The following CAPN3 variants were observed in gnomAD, a reference collection of about 807,000 sequenced individuals.
CAPN3 encodes calpain-3.
A neutral mutation model predicts 114.0 loss-of-function variants in CAPN3; 88 were observed. The observed-to-expected ratio is 0.77, with a 90% confidence interval of 0.65 to 0.92. The LOEUF is 0.92. Ranked by LOEUF, CAPN3 falls within the 40% of genes least tolerant of loss-of-function variation. The pLI, the probability that CAPN3 is intolerant of heterozygous loss-of-function variation, is 0.00. For missense variants in CAPN3, 1,028 were observed against 1,069.0 expected (o/e 0.96, Z 0.53); for synonymous variants, 386 against 382.9 (o/e 1.01, Z -0.09).
intron 2 of CAPN3, among the ~76,000 whole-genome samples, chr15:42,384,898 G>A (rs1354786301): frequency 6.6e-6 from 1 of 152,158 alleles, no homozygotes; most frequent in African/African-American, 2.4e-5. Flanking sequence ...TGTGCACCAA[G>A]CATGCCCCTT....
At chr15:42,377,991 A>G (rs1016171689) in intron 1 of CAPN3, among the ~76,000 whole-genome samples, 6 of 152,154 alleles carry the variant, frequency 3.9e-5, no homozygotes, top group Non-Finnish European at 8.8e-5. Context: ...TTAATGTCCA[A>G]AAGTTCAGTA....
chr15:42,360,109 C>G lies in CAPN3; in HGVS notation c.304C>G (p.Pro102Ala). 1 of 1,614,162 alleles carries G rather than the reference C, an allele frequency of 6.2e-7. No homozygotes were observed. Residue 102 changes from proline (P) to alanine (A), a missense_variant, in exon 1 of 24, where the codon CCT (proline) becomes GCT (alanine). Coordinates refer to ENST00000397163, the MANE Select transcript of CAPN3 (RefSeq NM_000070.3). ...KFPIQFVWKRPPEICENPRFI... is the reference protein window; with the variant it reads ...KFPIQFVWKRAPEICENPRFI... ...CCCCATCCAGTTCGTCTGGAAGAGA[C>G]CTCCGGTGAGTAGCTTCCTGCTTGC...
At chr15:42,381,834 G>A (rs1046931228) in intron 1 of CAPN3, among the ~76,000 whole-genome samples, 13 of 152,202 alleles carry the variant, frequency 8.5e-5, no homozygotes, top group African/African-American at 2.4e-4. Flanking sequence ...CATTGCACCC[G>A]GCCATCATGT....
chr15:42,366,660 T>C (rs1049444342), intron 1 of CAPN3, among the ~76,000 whole-genome samples: 1 of 152,020 alleles, frequency 6.6e-6, no homozygotes, highest in Middle Eastern at 3.4e-3. Context: ...TAAGTATGAT[T>C]GTTTTCGAGG....
intron 9 of CAPN3, among the ~76,000 whole-genome samples, chr15:42,399,180 G>T (rs1278357977): frequency 6.6e-6 from 1 of 151,928 alleles, no homozygotes; most frequent in Non-Finnish European, 1.5e-5. Context: ...CCAGCCTCTG[G>T]TAACCACTGT....
chr15:42,396,552 C>T (rs542990460), intron 8 of CAPN3, among the ~76,000 whole-genome samples: 6 of 152,084 alleles, frequency 3.9e-5, no homozygotes, highest in Non-Finnish European at 5.9e-5. Flanking sequence ...GAACTCAATT[C>T]TTAACCTTTA....
chr15:42,390,955 C>A (rs1418060813), intron 6 of CAPN3, among the ~76,000 whole-genome samples: 2 of 151,840 alleles, frequency 1.3e-5, no homozygotes, highest in African/African-American at 2.4e-5. Flanking sequence ...CCACACATGG[C>A]TAATTTTTGT....
At chr15:42,403,147 C>T (rs2053922405) in intron 13 of CAPN3, 145 bp downstream of exon 13, 3 of 715,564 alleles carry the variant, frequency 4.2e-6, no homozygotes, top group Non-Finnish European at 7.6e-6. Context: ...CCCATTCATT[C>T]ATTCATCCAT....
chr15:42,408,099 A>T (rs142246404), intron 15 of CAPN3, 112 bp from the exon 16 acceptor site: 1 of 723,306 alleles, frequency 1.4e-6, no homozygotes, highest in African/African-American at 1.7e-5. Flanking sequence ...GCTCCCGCCT[A>T]TTCCTTTCCT....
At chr15:42,382,277 A>G (rs1467432139) in intron 1 of CAPN3, among the ~76,000 whole-genome samples, 2 of 152,224 alleles carry the variant, frequency 1.3e-5, no homozygotes, top group African/African-American at 4.8e-5. Flanking sequence ...TTCTGGGTCA[A>G]TATTCAATTT....
At chr15:42,404,561 G>A (rs1012524385) in intron 14 of CAPN3, among the ~76,000 whole-genome samples, 3 of 152,268 alleles carry the variant, frequency 2.0e-5, no homozygotes, top group African/African-American at 4.8e-5. Context: ...AGGTTTTTCC[G>A]CACCTCCACG....
At chr15:42,360,209 G>A in intron 1 of CAPN3, 95 bp downstream of exon 1, 5 of 1,328,228 alleles carry the variant, frequency 3.8e-6, no homozygotes, top group Admixed American at 3.4e-5. Context: ...CATGGGCACT[G>A]GGGGAAGGAT....
chr15:42,400,087 C>G (rs896336883), intron 10 of CAPN3, among the ~76,000 whole-genome samples: 1 of 152,190 alleles, frequency 6.6e-6, no homozygotes, highest in Non-Finnish European at 1.5e-5. Flanking sequence ...ATGTAACTTA[C>G]TTAATACTGT....
intron 1 of CAPN3, among the ~76,000 whole-genome samples, chr15:42,369,870 CT>C (rs748584513): frequency 0.21 from 26,413 of 126,914 alleles, 2,745 homozygotes; most frequent in African/African-American, 0.35. Context: ...TTCTTTCTTT[CT>C]TTTTTTTTTT....
In CAPN3 at chr15:42,399,431, T is replaced by C. The variant is rs554435519; in HGVS notation, c.1194-61T>C. 4.9e-5 allele frequency: 65 copies of C among 1,327,894 alleles called. No homozygotes were observed. The Middle Eastern group carries it at 5.4e-4, about 11-fold the overall frequency. 82.3% of individuals were successfully genotyped at this position (1,327,894 alleles called of 1,614,324 possible). The stretch of plus-strand genomic sequence containing the variant: ...TTGTGCTGTGTTAGTCCTGGGGTCT[T>C]CCGTTCCCAGCCCTCCTCACCTGCT... On this transcript the variant is annotated intron_variant, in intron 9 of 23. Coordinates refer to ENST00000397163, the MANE Select transcript of CAPN3 (RefSeq NM_000070.3).
At chr15:42,390,567 A>G (rs992307116) in intron 6 of CAPN3, among the ~76,000 whole-genome samples, 1 of 152,106 alleles carries the variant, frequency 6.6e-6, no homozygotes, top group African/African-American at 2.4e-5. Flanking sequence ...TTCATAAGTT[A>G]TACCTGCTCA....
intron 4 of CAPN3, 147 bp from the exon 5 acceptor site, chr15:42,388,781 T>C: frequency 1.3e-6 from 1 of 785,660 alleles, no homozygotes; most frequent in Non-Finnish European, 2.3e-6. Context: ...GGAATCATTG[T>C]TTCCATCCCA....
At chr15:42,371,973 A>T (rs188622627) in intron 1 of CAPN3, among the ~76,000 whole-genome samples, 2,417 of 150,284 alleles carry the variant, frequency 0.016, 56 homozygotes, top group African/African-American at 0.048. Context: ...TAAAAAAATT[A>T]AAAAAAAATC....
chr15:42,362,980 T>C (rs1229867495), intron 1 of CAPN3, among the ~76,000 whole-genome samples: 2 of 152,234 alleles, frequency 1.3e-5, no homozygotes, highest in East Asian at 3.8e-4. Context: ...GAATTTTTTT[T>C]CGACCATCAA....
Sources: gnomAD v4.1 joint callset for allele counts (sites outside exome capture counted in the v4.1 genomes callset) on GRCh38, gnomAD v4.1.1 for gene constraint, MANE v1.5 for transcripts, NCBI Gene and HGNC (gene_info 2026-07-23, HGNC 2026-07-21) for gene names.